Variants in DOCK9 observed in about 807,000 individuals in gnomAD.
DOCK9 encodes the protein dedicator of cytokinesis protein 9.
Under a neutral mutation model 263.3 loss-of-function variants are expected in DOCK9, and 89 were observed. The ratio of observed to expected loss-of-function variants is 0.34; its 90% CI spans 0.28 to 0.40. The LOEUF (loss-of-function observed/expected upper bound fraction) is 0.40, where lower values mean the gene tolerates loss of function less well. DOCK9 is among the 10% of genes least tolerant of loss of function. The pLI is 1.00. For synonymous variants in DOCK9, 976 were observed against 973.1 expected (o/e 1.00, Z -0.06); for missense variants, 2,140 against 2,603.4 (o/e 0.82, Z 3.87).
intron 27 of DOCK9, among the ~76,000 whole-genome samples, chr13:98,871,247 T>C (rs549531669): frequency 3.9e-5 from 6 of 152,344 alleles, no homozygotes; most frequent in African/African-American, 1.4e-4. Flanking sequence ...AGGGTGGGTA[T>C]GTATCAAGCA....
At chr13:99,049,451 G>GGAAAA (rs1442818668) in intron 1 of DOCK9, among the ~76,000 whole-genome samples, 2 of 152,122 alleles carry the variant, frequency 1.3e-5, no homozygotes, top group Admixed American at 6.5e-5. Flanking sequence ...TACAAAAAAA[G>GGAAAA]GAAAAGAAAA....
chr13:98,800,576 T>G (rs994668677), intron 49 of DOCK9, 98 bp from the exon 50 acceptor site: 2 of 1,362,112 alleles, frequency 1.5e-6, no homozygotes, highest in African/African-American at 1.5e-5. Flanking sequence ...CATGTCATTA[T>G]TACTTACATT....
intron 37 of DOCK9, chr13:98,846,749 A>C: frequency 2.7e-6 from 1 of 367,544 alleles, no homozygotes; most frequent in Non-Finnish European, 5.3e-6. Flanking sequence ...ACATGCATGG[A>C]CTATCATCGA....
chr13:99,015,005 C>A (rs1178593357), intron 1 of DOCK9, among the ~76,000 whole-genome samples: 2 of 147,124 alleles, frequency 1.4e-5, no homozygotes, highest in Non-Finnish European at 1.5e-5. Flanking sequence ...TTAAATTTCT[C>A]CCCCCCGCAT....
chr13:98,939,326 C>T (rs968302304), intron 2 of DOCK9, among the ~76,000 whole-genome samples: 6 of 152,154 alleles, frequency 3.9e-5, no homozygotes, highest in African/African-American at 1.4e-4. Flanking sequence ...GGCCCGGGGT[C>T]CACAGTGACC....
At chr13:98,923,023 C>CT (rs1411980020) in intron 5 of DOCK9, among the ~76,000 whole-genome samples, 1 of 152,186 alleles carries the variant, frequency 6.6e-6, no homozygotes, top group Non-Finnish European at 1.5e-5. Context: ...ATCTTGATAT[C>CT]TTTTAACAAT....
chr13:99,017,671 C>T (rs1885591338), intron 1 of DOCK9, among the ~76,000 whole-genome samples: 1 of 152,046 alleles, frequency 6.6e-6, no homozygotes, highest in Admixed American at 6.6e-5. Flanking sequence ...CTTCCCTGGA[C>T]CACACTGGAA....
At chr13:98,878,801 T>C (rs2044273796) in intron 27 of DOCK9, among the ~76,000 whole-genome samples, 1 of 152,214 alleles carries the variant, frequency 6.6e-6, no homozygotes. Flanking sequence ...AGGAGGGCTT[T>C]AGGCCTGAAC....
At chr13:98,924,750 G>A (rs970080523) in intron 4 of DOCK9, among the ~76,000 whole-genome samples, 9 of 152,210 alleles carry the variant, frequency 5.9e-5, no homozygotes, top group Non-Finnish European at 1.2e-4. Context: ...TTTCACAAGT[G>A]CCAACTTTCC....
At chr13:98,843,533 G>A (rs2093293727) in intron 38 of DOCK9, among the ~76,000 whole-genome samples, 1 of 152,204 alleles carries the variant, frequency 6.6e-6, no homozygotes, top group Admixed American at 6.5e-5. Context: ...AGTTCTAGGA[G>A]TTGCAACAAC....
intron 1 of DOCK9, among the ~76,000 whole-genome samples, chr13:99,008,185 C>CCTCTCTCTCTCTCTCTCTCTCTCTCT (rs370963218): frequency 1.4e-4 from 14 of 100,974 alleles, no homozygotes; most frequent in South Asian, 1.2e-3. Flanking sequence ...TATTGTGCAG[C>CCTCTCTCTCTCTCTCTCTCTCTCTCT]CTCTCTCTCT....
chr13:99,022,839 T>C (rs1041429358), intron 1 of DOCK9, among the ~76,000 whole-genome samples: 1 of 152,090 alleles, frequency 6.6e-6, no homozygotes, highest in Admixed American at 6.6e-5. Context: ...GCCTGGCTAC[T>C]TAGGAGGCTG....
intron 43 of DOCK9, among the ~76,000 whole-genome samples, 173 bp from the exon 44 acceptor site, chr13:98,827,060 TA>T (rs1188935395): frequency 2.0e-5 from 3 of 152,274 alleles, no homozygotes; most frequent in African/African-American, 7.2e-5. Flanking sequence ...ATCACTCACA[TA>T]AGCTGAAAAT....
In DOCK9 at chr13:98,853,560, CG is replaced by C. The variant is rs1566723965; in HGVS notation, c.3832-39del. On this transcript the variant is annotated intron_variant, in intron 34 of 52. Transcript: ENST00000682017. ...TACAGGTGATTTTTCTATTTAATTA[CG>C]GGAGGAAAACGTGTTTCCCTTTTCT... The C allele has an allele frequency of 2.8e-6, 4 of 1,439,286 alleles. No individual in the cohort carries two copies. In the South Asian group the frequency reaches 4.6e-5, roughly 17 times the overall value. The allele number at this position is 1,439,286 out of a possible 1,614,324, so 89.2% of individuals were successfully genotyped here. A position where few individuals can be genotyped will look rare whatever the true frequency, so the allele number is the denominator to read the frequency against.
intron 2 of DOCK9, among the ~76,000 whole-genome samples, chr13:98,949,378 TC>T (rs2057126616): frequency 6.6e-6 from 1 of 151,848 alleles, no homozygotes. Flanking sequence ...GTTACAGGAG[TC>T]TTACAGAGCC....
rs139033173 is a variant in DOCK9, at chr13:98,974,583, C to G, written c.126+3201G>C. On this transcript the variant is annotated intron_variant, in intron 1 of 52. Coordinates refer to ENST00000682017, the MANE Select transcript of DOCK9 (RefSeq NM_001366683.2). Reference sequence around the variant, plus strand: ...TGACCAATATGATGACACCACGTCTCTACTAAAAATACAAAAATTAGTCGG... The same window carrying G: ...TGACCAATATGATGACACCACGTCTGTACTAAAAATACAAAAATTAGTCGG... 2.0e-5 allele frequency among the ~76,000 whole-genome samples: 3 copies of G among 151,988 alleles called. No individual in the cohort carries two copies. The South Asian group carries it at 6.2e-4, about 32-fold the overall frequency.
At chr13:99,075,195 C>A (rs1044665648) in intron 1 of DOCK9, among the ~76,000 whole-genome samples, 1 of 152,012 alleles carries the variant, frequency 6.6e-6, no homozygotes, top group South Asian at 2.1e-4. Flanking sequence ...TAATGACATA[C>A]CTTTTTCTTA....
chr13:99,007,197 G>C (rs1883496827), intron 1 of DOCK9, among the ~76,000 whole-genome samples: 1 of 151,952 alleles, frequency 6.6e-6, no homozygotes, highest in Non-Finnish European at 1.5e-5. Context: ...AGACCATCCT[G>C]GCCAACATGG....
At chr13:98,875,869 T>C (rs2043747550) in intron 27 of DOCK9, among the ~76,000 whole-genome samples, 1 of 152,186 alleles carries the variant, frequency 6.6e-6, no homozygotes, top group African/African-American at 2.4e-5. Flanking sequence ...ATTCACACCC[T>C]TCCTCAGTAA....
Sources: gnomAD v4.1 joint callset for allele counts (sites outside exome capture counted in the v4.1 genomes callset) on GRCh38, gnomAD v4.1.1 for gene constraint, MANE v1.5 for transcripts, NCBI Gene and HGNC (gene_info 2026-07-23, HGNC 2026-07-21) for gene names.